The following EPB41L3 variants were observed in gnomAD, a reference collection of about 807,000 sequenced individuals.
EPB41L3 encodes erythrocyte membrane protein band 4.1 like 3, also known as band 4.1-like protein 3.
In EPB41L3, 57 loss-of-function variants were observed where a neutral mutation model predicts 127.1. The observed-to-expected ratio is 0.45, with a 90% CI of 0.36 to 0.56. The LOEUF (loss-of-function observed/expected upper bound fraction) is 0.56, where lower values mean the gene tolerates loss of function less well. Among genes scored for constraint, EPB41L3 ranks in the 20% least tolerant of loss-of-function variants. The probability of loss-of-function intolerance (pLI) is 0.00; values close to 1 mark genes in which losing one functional copy is unlikely to be tolerated. For synonymous variants in EPB41L3, 572 were observed against 549.5 expected (o/e 1.04, Z -0.57); for missense variants, 1,273 against 1,372.2 (o/e 0.93, Z 1.14).
At chr18:5,593,265 T>C (rs2094503720) in intron 3 of EPB41L3, among the ~76,000 whole-genome samples, 1 of 151,672 alleles carries the variant, frequency 6.6e-6, no homozygotes, top group Non-Finnish European at 1.5e-5. Context: ...CCCCTGATAT[T>C]TCATGTATGT....
chr18:5,490,390 T>C lies in EPB41L3; in HGVS notation c.-11-1196A>G, dbSNP rs375364886. 3.9e-5 allele frequency among the ~76,000 whole-genome samples: 6 copies of C among 152,314 alleles called. No homozygotes were observed. In the East Asian group the frequency reaches 9.6e-4, roughly 24 times the overall value. On this transcript the variant is annotated intron_variant, in intron 1 of 22. Coordinates refer to ENST00000341928, the MANE Select transcript of EPB41L3 (RefSeq NM_012307.5). ...TGTGCAAAAATAAAACTAGTAACTC[T>C]TAGTTCCTATCTTCACAATATATAT...
intron 2 of EPB41L3, among the ~76,000 whole-genome samples, chr18:5,487,004 T>C (rs574379205): frequency 4.6e-5 from 7 of 152,138 alleles, no homozygotes; most frequent in Non-Finnish European, 8.8e-5. Context: ...GAAATCAATA[T>C]ATAGAAAAGC....
At chr18:5,522,423 C>T (rs182059599) in intron 1 of EPB41L3, among the ~76,000 whole-genome samples, 15 of 152,136 alleles carry the variant, frequency 9.9e-5, no homozygotes, top group Admixed American at 5.9e-4. Context: ...TAAGCCTGGC[C>T]GCCAAATCTA....
chr18:5,523,366 T>C (rs2093076648), intron 1 of EPB41L3, among the ~76,000 whole-genome samples: 2 of 152,222 alleles, frequency 1.3e-5, no homozygotes, highest in South Asian at 4.1e-4. Context: ...TTCTGTCAAT[T>C]GAAACAATAA....
At chr18:5,493,321 A>G (rs1353036382) in intron 1 of EPB41L3, among the ~76,000 whole-genome samples, 1 of 152,254 alleles carries the variant, frequency 6.6e-6, no homozygotes. Flanking sequence ...AAAGCATTTC[A>G]TAAAAGAAAA....
chr18:5,488,643 T>C (rs951588955), intron 2 of EPB41L3, among the ~76,000 whole-genome samples: 18 of 151,820 alleles, frequency 1.2e-4, no homozygotes, highest in Middle Eastern at 3.2e-3. Context: ...GGGTGATGCC[T>C]GGGGAAATGC....
upstream of EPB41L3, among the ~76,000 whole-genome samples, chr18:5,546,347 ATG>A (rs1262015488): frequency 6.6e-6 from 1 of 152,144 alleles, no homozygotes; most frequent in African/African-American, 2.4e-5. Flanking sequence ...CCTGGCCAAG[ATG>A]GTGAAACCCC....
chr18:5,514,706 T>C (rs750274175), intron 1 of EPB41L3, among the ~76,000 whole-genome samples: 1 of 152,170 alleles, frequency 6.6e-6, no homozygotes, highest in Non-Finnish European at 1.5e-5. Context: ...GAGGAATCAT[T>C]ATCGCTTCCT....
At chr18:5,395,734 C>T in intron 19 of EPB41L3, 27 bp from the exon 20 acceptor site, 1 of 1,577,594 alleles carries the variant, frequency 6.3e-7, no homozygotes, top group Non-Finnish European at 8.7e-7. Flanking sequence ...ATAGACCCCT[C>T]ATCCAGGTGC....
chr18:5,525,036 T>C (rs2093166826), intron 1 of EPB41L3, among the ~76,000 whole-genome samples: 2 of 152,234 alleles, frequency 1.3e-5, no homozygotes, highest in Admixed American at 1.3e-4. Flanking sequence ...TAATCATTCA[T>C]TCGTGGCAGA....
intron 3 of EPB41L3, among the ~76,000 whole-genome samples, chr18:5,455,248 A>G (rs185384416): frequency 6.6e-6 from 1 of 152,196 alleles, no homozygotes; most frequent in Non-Finnish European, 1.5e-5. Context: ...AATCCTATTT[A>G]TTCTACAATG....
At chr18:5,576,867 C>T (rs924998087) in intron 3 of EPB41L3, among the ~76,000 whole-genome samples, 1 of 152,166 alleles carries the variant, frequency 6.6e-6, no homozygotes, top group African/African-American at 2.4e-5. Context: ...AGCATAAGTA[C>T]ACGGCATTCT....
intron 3 of EPB41L3, among the ~76,000 whole-genome samples, chr18:5,605,956 C>T (rs1436200755): frequency 3.3e-5 from 5 of 152,118 alleles, no homozygotes; most frequent in Admixed American, 3.3e-4. Context: ...TGAAAAAAAT[C>T]ACAGATGCTT....
intron 20 of EPB41L3, 31 bp from the exon 21 acceptor site, chr18:5,395,178 T>G: frequency 6.3e-7 from 1 of 1,587,962 alleles, no homozygotes. Flanking sequence ...CTTTATGAAT[T>G]TACTCACTGG....
At position 5,397,122 on chromosome 18, in the gene EPB41L3, C is replaced by A. The variant is rs749000237; in HGVS notation, c.2777G>T (p.Arg926Leu). The change falls in exon 18 of 23, where the codon CGA (arginine) becomes CTA (leucine). Residue 926 changes from arginine (R) to leucine (L), a missense_variant. Arg to Leu is a moderately radical substitution (Grantham distance 102, BLOSUM62 -2). Around this residue, in one of 3 missense-constraint regions of EPB41L3, gnomAD observed 765 missense variants for 782.9 expected, o/e 0.98. Transcript: ENST00000341928. The surrounding 1 kb of genome is among the most constrained non-coding windows in gnomAD (Gnocchi z 4.1). ...QEETAAASRE[R>L]QEEQSAAIHI... ...GATGGCTGCACTCTGCTCCTCTTGTCGCTCACGGGAAGCAGCGGCTGTCTC... is the reference window on the plus strand; with the variant it reads ...GATGGCTGCACTCTGCTCCTCTTGTAGCTCACGGGAAGCAGCGGCTGTCTC... 8.7e-6 allele frequency: 14 copies of A among 1,614,012 alleles called. No individual in the cohort carries two copies. The highest frequency in any genetic ancestry group is 1.2e-5 in the Non-Finnish European group (14 of 1,180,020).
chr18:5,414,101 G>A (rs11875883), intron 13 of EPB41L3, among the ~76,000 whole-genome samples: 7 of 152,012 alleles, frequency 4.6e-5, no homozygotes, highest in Admixed American at 1.3e-4. Context: ...TGACTAACTC[G>A]ACTGTTAAAG....
At chr18:5,497,081 C>T (rs889486407) in intron 1 of EPB41L3, among the ~76,000 whole-genome samples, 4 of 151,964 alleles carry the variant, frequency 2.6e-5, no homozygotes, top group African/African-American at 7.3e-5. Context: ...CGCACAGTGG[C>T]GATAAAGCCT....
intron 1 of EPB41L3, among the ~76,000 whole-genome samples, chr18:5,623,995 A>G (rs1329741254): frequency 6.6e-6 from 1 of 151,908 alleles, no homozygotes; most frequent in East Asian, 1.9e-4. Flanking sequence ...GAATCTTCTA[A>G]AAGTATGAAT....
At chr18:5,599,054 C>T (rs143951468) in intron 3 of EPB41L3, among the ~76,000 whole-genome samples, 64 of 152,270 alleles carry the variant, frequency 4.2e-4, no homozygotes, top group Non-Finnish European at 7.8e-4. Context: ...CAAACATGTA[C>T]TATGGAGAAC....
Sources: gnomAD v4.1 joint callset for allele counts (sites outside exome capture counted in the v4.1 genomes callset) on GRCh38, gnomAD v4.1.1 for gene constraint, gnomAD v4.1.1 regional missense constraint, Gnocchi (gnomAD v3.1) non-coding constraint, MANE v1.5 for transcripts, NCBI Gene and HGNC (gene_info 2026-07-23, HGNC 2026-07-21) for gene names.